The following SCN3A variants were observed in gnomAD, a reference collection of about 807,000 sequenced individuals.
The protein encoded by SCN3A is sodium channel protein type 3 subunit alpha.
A neutral mutation model predicts 187.6 loss-of-function variants in SCN3A; 60 were observed. The observed-to-expected ratio is 0.32, with a 90% CI of 0.26 to 0.40. The LOEUF (loss-of-function observed/expected upper bound fraction) is 0.40, where lower values mean the gene tolerates loss of function less well. Among genes scored for constraint, SCN3A ranks in the 10% least tolerant of loss-of-function variants. SCN3A has a pLI of 1.00. For synonymous variants in SCN3A, 788 were observed against 829.2 expected (o/e 0.95, Z 0.85); for missense variants, 1,601 against 2,428.2 (o/e 0.66, Z 7.16).
At chr2:165,105,338 A>T (rs1685797381) in intron 21 of SCN3A, among the ~76,000 whole-genome samples, 1 of 152,058 alleles carries the variant, frequency 6.6e-6, no homozygotes, top group South Asian at 2.1e-4. Context: ...GTATATCCTG[A>T]AGTTGAGTTT....
intron 12 of SCN3A, among the ~76,000 whole-genome samples, chr2:165,143,850 T>C (rs1238650090): frequency 6.6e-6 from 1 of 152,174 alleles, no homozygotes; most frequent in Admixed American, 6.6e-5. Context: ...CAAAGTGGGT[T>C]GGGAAAAGTC....
chr2:165,092,319 C>T lies in SCN3A; in HGVS notation c.4742G>A (p.Arg1581Lys), dbSNP rs2105626390. The T allele has an allele frequency of 1.2e-6, 2 of 1,613,950 alleles. No homozygotes were observed. The change falls in exon 27 of 28, where the codon AGA (arginine) becomes AAA (lysine). Residue 1581 changes from arginine (R) to lysine (K), a missense_variant. Arg to Lys is a conservative substitution (Grantham distance 26). Coordinates refer to ENST00000283254, the MANE Select transcript of SCN3A (RefSeq NM_006922.4). This position sits in a 1 kb window ranked among gnomAD's most constrained non-coding sequence, Gnocchi z 4.2. ...CCAGCCTATAGTGAAGTAGTAGTGT[C>T]TGAGGGAGACGAGCTTCAGCACAAA... is the stretch of plus-strand genomic sequence containing the variant. The part of the protein sequence containing the change: ...GEFVLKLVSL[R>K]HYYFTIGWNI...
intron 4 of SCN3A, among the ~76,000 whole-genome samples, chr2:165,169,246 C>T (rs964036932): frequency 1.3e-5 from 2 of 151,774 alleles, no homozygotes; most frequent in Non-Finnish European, 2.9e-5. Flanking sequence ...GAATGTAGAG[C>T]CCAGTATAAT....
intron 6 of SCN3A, 52 bp downstream of exon 6, chr2:165,164,340 A>G: frequency 6.2e-7 from 1 of 1,611,034 alleles, no homozygotes; most frequent in Non-Finnish European, 8.5e-7. Context: ...CCTTGTTTGT[A>G]CTATGACTAT....
At chr2:165,168,664 G>T (rs4667795) in intron 5 of SCN3A, 72 bp downstream of exon 5, 1 of 1,040,356 alleles carries the variant, frequency 9.6e-7, no homozygotes, top group Non-Finnish European at 1.5e-6. Flanking sequence ...CATAAGTCAG[G>T]CTATACCCAC....
chr2:165,128,226 T>C, intron 17 of SCN3A, 125 bp from the exon 18 acceptor site: 1 of 769,010 alleles, frequency 1.3e-6, no homozygotes, highest in South Asian at 1.9e-5. Context: ...ATGCTTACTA[T>C]ATTTCAGATG....
Position 165,087,722 on chromosome 2 carries a change from A to G in SCN3A, c.*2428T>C, listed in dbSNP as rs751943462. The G allele has an allele frequency of 2.0e-5, 3 of 152,210 alleles. No homozygotes were observed. The highest frequency in any genetic ancestry group is 4.4e-5 in the Non-Finnish European group (3 of 68,018). 9.4% of individuals were successfully genotyped at this position (152,210 alleles called of 1,614,324 possible). A position where few individuals can be genotyped will look rare whatever the true frequency, so the allele number is the denominator to read the frequency against. On this transcript the variant is annotated 3_prime_UTR_variant, in exon 28 of 28. Coordinates refer to ENST00000283254, the MANE Select transcript of SCN3A (RefSeq NM_006922.4). The stretch of plus-strand genomic sequence containing the variant: ...TAACTATATCATTAATACCTTATGT[A>G]TACATAGGAGTTTATATAATGCATT...
At chr2:165,121,707 C>T (rs1442534304) in intron 18 of SCN3A, among the ~76,000 whole-genome samples, 1 of 152,104 alleles carries the variant, frequency 6.6e-6, no homozygotes, top group Non-Finnish European at 1.5e-5. Context: ...GAAAACTGCC[C>T]AATATTTATG....
At chr2:165,112,782 T>G in intron 21 of SCN3A, 103 bp downstream of exon 21, 1 of 1,031,122 alleles carries the variant, frequency 9.7e-7, no homozygotes, top group Non-Finnish European at 1.5e-6. Context: ...AATAACTGCA[T>G]AATTATGTCA....
At chr2:165,115,925 G>A (rs77590808) in intron 18 of SCN3A, among the ~76,000 whole-genome samples, 1,677 of 152,204 alleles carry the variant, frequency 0.011, 20 homozygotes, top group Middle Eastern at 0.044. Flanking sequence ...GGATAAAGTG[G>A]TATGCTGACA....
chr2:165,172,226 C>A (rs1457045645), intron 3 of SCN3A, among the ~76,000 whole-genome samples: 1 of 152,006 alleles, frequency 6.6e-6, no homozygotes, highest in East Asian at 1.9e-4. Flanking sequence ...GACCATCAAG[C>A]CAACCATTAT....
chr2:165,167,797 C>T (rs1323770285), intron 5 of SCN3A, among the ~76,000 whole-genome samples: 1 of 151,972 alleles, frequency 6.6e-6, no homozygotes, highest in Non-Finnish European at 1.5e-5. Flanking sequence ...AAATCCCTTG[C>T]AATAATAATA....
At chr2:165,163,521 C>T in intron 7 of SCN3A, 97 bp downstream of exon 7, 1 of 1,367,530 alleles carries the variant, frequency 7.3e-7, no homozygotes, top group Non-Finnish European at 1.0e-6. Context: ...ACGGGATGAA[C>T]TGTAATAATA....
At chr2:165,157,583 A>G (rs966445742) in intron 9 of SCN3A, among the ~76,000 whole-genome samples, 13 of 152,124 alleles carry the variant, frequency 8.5e-5, no homozygotes, top group African/African-American at 3.1e-4. Flanking sequence ...AGGTTTCTCT[A>G]CTGTAAATTT....
At chr2:165,139,938 A>C (rs1177305899) in intron 13 of SCN3A, among the ~76,000 whole-genome samples, 1 of 152,070 alleles carries the variant, frequency 6.6e-6, no homozygotes, top group African/African-American at 2.4e-5. Flanking sequence ...ATTCAGGTGA[A>C]AATTATTTTT....
intron 2 of SCN3A, among the ~76,000 whole-genome samples, chr2:165,185,083 A>G (rs1691147079): frequency 1.3e-5 from 2 of 152,046 alleles, no homozygotes; most frequent in South Asian, 2.1e-4. Context: ...AAGCTTAGTA[A>G]AAAAAGCATG....
rs1684945851 is a variant in SCN3A at position 165,088,712 on chromosome 2, C to T, written c.*1438G>A. ...GTAAAATAAATTGTGATGTCATCAA[C>T]CTGAAAATAATTTTCTTATGTACAA... On this transcript the variant is annotated 3_prime_UTR_variant, in exon 28 of 28. Coordinates refer to ENST00000283254, the MANE Select transcript of SCN3A (RefSeq NM_006922.4). The T allele has an allele frequency of 6.6e-6, 1 of 152,364 alleles. No homozygotes were observed. Among genetic ancestry groups the T allele is most frequent in the Non-Finnish European group, 1.5e-5 (1 of 67,912 alleles). 9.4% of individuals were successfully genotyped at this position (152,364 alleles called of 1,614,324 possible). A position where few individuals can be genotyped will look rare whatever the true frequency, so the allele number is the denominator to read the frequency against.
At chr2:165,119,096 G>C (rs1357292901) in intron 18 of SCN3A, among the ~76,000 whole-genome samples, 3 of 152,076 alleles carry the variant, frequency 2.0e-5, no homozygotes, top group Admixed American at 2.0e-4. Context: ...TGTAGAGATA[G>C]GGTTTTGCCA....
chr2:165,197,568 CTCTT>C (rs1692043666), intron 1 of SCN3A, among the ~76,000 whole-genome samples: 1 of 149,056 alleles, frequency 6.7e-6, no homozygotes, highest in African/African-American at 2.5e-5. Context: ...GTTTGCATAT[CTCTT>C]TCTCTTTAGC....
Sources: allele counts gnomAD v4.1 joint callset (sites outside exome capture counted in the v4.1 genomes callset), GRCh38; gene constraint gnomAD v4.1.1; non-coding constraint Gnocchi (gnomAD v3.1); transcripts MANE v1.5; gene names NCBI Gene and HGNC (gene_info 2026-07-23, HGNC 2026-07-21).